TEX36: variants seen among roughly 807,000 people sequenced by gnomAD.
The protein encoded by TEX36 is testis expressed 36, also known as testis-expressed protein 36.
A neutral mutation model predicts 13.6 loss-of-function variants in TEX36; 12 were observed. The observed-to-expected ratio is 0.88, with a 90% CI of 0.56 to 1.43. The LOEUF is 1.43. TEX36 is among the 40% of genes most tolerant of loss of function. The pLI is 0.00. For synonymous variants in TEX36, 93 were observed against 83.0 expected, an observed-to-expected ratio of 1.12 and a Z score of -0.65; for missense variants, 224 against 228.3, an observed-to-expected ratio of 0.98 and a Z score of 0.12.
chr10:125,650,508 G>A (rs1846835682), intron 3 of TEX36, among the ~76,000 whole-genome samples: 3 of 152,076 alleles, frequency 2.0e-5, no homozygotes, highest in Non-Finnish European at 4.4e-5. Context: ...GTGTGTAGAG[G>A]GAAATTTATA....
chr10:125,647,726 C>T (rs1318411829), intron 3 of TEX36, among the ~76,000 whole-genome samples: 3 of 150,984 alleles, frequency 2.0e-5, no homozygotes, highest in African/African-American at 4.8e-5. Flanking sequence ...CCAGGAAGCA[C>T]AAGGGGTCAG....
rs773781797 is a variant in TEX36 at position 125,585,363 on chromosome 10, C to A, written c.265-8489G>T. On this transcript the variant is annotated intron_variant, in intron 3 of 3. Transcript: ENST00000532135. Reference sequence around the variant, plus strand: ...GTGTCTTGGGCTTAGAAGACAATACCCCAAAGTATGGCACGTTGGTGTGCT... The same window carrying A: ...GTGTCTTGGGCTTAGAAGACAATACACCAAAGTATGGCACGTTGGTGTGCT... Among the ~76,000 whole-genome samples the A allele has an allele frequency of 6.6e-5, 10 of 152,138 alleles. 1 individual carries two copies. Among genetic ancestry groups the A allele is most frequent in the Non-Finnish European group, 1.5e-4 (10 of 68,024 alleles).
intron 3 of TEX36, among the ~76,000 whole-genome samples, chr10:125,581,948 C>T (rs967616536): frequency 6.6e-6 from 1 of 152,242 alleles, no homozygotes; most frequent in Non-Finnish European, 1.5e-5. Context: ...GCCACAGAGG[C>T]AGCAGTGAGA....
chr10:125,622,206 A>T (rs1267470926), intron 3 of TEX36, among the ~76,000 whole-genome samples: 3 of 152,264 alleles, frequency 2.0e-5, no homozygotes, highest in African/African-American at 7.2e-5. Context: ...AACATAATAC[A>T]GCTATCCTTC....
intron 3 of TEX36, among the ~76,000 whole-genome samples, chr10:125,634,676 G>A (rs1846601355): frequency 6.6e-6 from 1 of 152,194 alleles, no homozygotes; most frequent in African/African-American, 2.4e-5. Flanking sequence ...GTTGCTGCCT[G>A]CTAGAATGGA....
chr10:125,673,692 G>A (rs9422798), intron 1 of TEX36, among the ~76,000 whole-genome samples: 2,369 of 127,008 alleles, frequency 0.019, 64 homozygotes, highest in African/African-American at 0.07. Context: ...CCTGGGCGAC[G>A]AGAGAGAGAC....
chr10:125,576,853 G>A (rs1184561413), exon 4 of TEX36: 2 of 1,535,946 alleles, frequency 1.3e-6, no homozygotes, highest in Non-Finnish European at 1.7e-6. Context: ...TCTCCCTGTG[G>A]GTCCGTTGCT....
At chr10:125,667,192 G>T in intron 1 of TEX36, 1 of 650,860 alleles carries the variant, frequency 1.5e-6, no homozygotes. Context: ...CGTTGTGACA[G>T]TCACCATGGC....
intron 3 of TEX36, among the ~76,000 whole-genome samples, chr10:125,624,786 A>C (rs1846467109): frequency 6.6e-6 from 1 of 151,958 alleles, no homozygotes; most frequent in African/African-American, 2.4e-5. Context: ...GTTTTGTGAG[A>C]GGGGGCTCGG....
chr10:125,655,703 C>G lies in TEX36; in HGVS notation c.*197G>C, dbSNP rs1305897761. The G allele has an allele frequency of 1.4e-5, 18 of 1,255,020 alleles. No individual in the cohort carries two copies. Among genetic ancestry groups the G allele is most frequent in the Non-Finnish European group, 1.7e-5 (17 of 1,001,630 alleles). The allele number at this position is 1,255,020 out of a possible 1,614,324, so 77.7% of individuals were successfully genotyped here. ...TAAAACTCCCCAAAAGTAAATGTGG[C>G]CATCTGAAAAGTTTATTTACACATG... On this transcript the variant is annotated 3_prime_UTR_variant, in exon 4 of 4. Transcript: ENST00000368821.
At chr10:125,619,661 A>G (rs1846404090), downstream of TEX36, among the ~76,000 whole-genome samples, 1 of 151,652 alleles carries the variant, frequency 6.6e-6, no homozygotes, top group Non-Finnish European at 1.5e-5. Context: ...GGTTCAAGCA[A>G]TTCTCCTGCC....
intron 3 of TEX36, among the ~76,000 whole-genome samples, chr10:125,604,211 G>A (rs1465850396): frequency 1.3e-5 from 2 of 152,128 alleles, no homozygotes; most frequent in African/African-American, 4.8e-5. Context: ...CCACACAGCA[G>A]GAGCCCAGAT....
chr10:125,656,007 T>C lies in TEX36; in HGVS notation c.454A>G (p.Asn152Asp). ...RFPRCYKEIW[N>D]AFTFLPERSY... Reference sequence around the variant, plus strand: ...CTCTCAGGAAGAAATGTAAAAGCGTTCCATATCTCTTTATAGCATCGTGGA... The same window carrying C: ...CTCTCAGGAAGAAATGTAAAAGCGTCCCATATCTCTTTATAGCATCGTGGA... The change falls in exon 4 of 4, where the codon AAC becomes GAC. Residue 152 changes from asparagine to aspartate, a missense_variant. By Grantham distance (23) the Asn-to-Asp change is conservative (BLOSUM62 1). Coordinates refer to ENST00000368821, the MANE Select transcript of TEX36 (RefSeq NM_001128202.3). The C allele has an allele frequency of 6.4e-7, 1 of 1,551,908 alleles. No individual in the cohort carries two copies. The highest frequency in any genetic ancestry group is 8.7e-7 in the Non-Finnish European group (1 of 1,147,012).
chr10:125,587,540 C>T (rs1589741852), intron 3 of TEX36, among the ~76,000 whole-genome samples: 1 of 152,164 alleles, frequency 6.6e-6, no homozygotes, highest in African/African-American at 2.4e-5. Flanking sequence ...GTAATCCCAA[C>T]ACTTTGGAGG....
chr10:125,611,737 C>A (rs1020466773), intron 3 of TEX36, among the ~76,000 whole-genome samples: 1 of 151,838 alleles, frequency 6.6e-6, no homozygotes, highest in Non-Finnish European at 1.5e-5. Context: ...TCAAATTTTG[C>A]AATGTTTTTC....
At chr10:125,650,378 A>G (rs1589772948) in intron 3 of TEX36, among the ~76,000 whole-genome samples, 6 of 152,222 alleles carry the variant, frequency 3.9e-5, no homozygotes. Context: ...GAACCTGAAC[A>G]ACCTGCTCCT....
intron 1 of TEX36, among the ~76,000 whole-genome samples, chr10:125,677,159 T>G (rs573448645): frequency 1.3e-5 from 2 of 152,246 alleles, no homozygotes; most frequent in African/African-American, 4.8e-5. Flanking sequence ...TTAGATAGTC[T>G]GACTATAACA....
intron 3 of TEX36, among the ~76,000 whole-genome samples, chr10:125,603,600 G>T (rs1432738633): frequency 2.6e-5 from 4 of 152,276 alleles, no homozygotes; most frequent in East Asian, 1.9e-4. Context: ...CAAAATCTGG[G>T]GGCAGGCTAA....
chr10:125,679,524 G>C, intron 1 of TEX36, among the ~76,000 whole-genome samples: 1 of 152,148 alleles, frequency 6.6e-6, no homozygotes, highest in East Asian at 1.9e-4. Flanking sequence ...AGGGAGAGAA[G>C]GGTCGAGAAG....
Sources: allele counts gnomAD v4.1 joint callset (sites outside exome capture counted in the v4.1 genomes callset), GRCh38; gene constraint gnomAD v4.1.1; transcripts MANE v1.5; gene names NCBI Gene and HGNC (gene_info 2026-07-23, HGNC 2026-07-21).